Variants in TTC21B observed in about 807,000 individuals in gnomAD.
The protein encoded by TTC21B is tetratricopeptide repeat protein 21B.
Under a neutral mutation model 175.1 loss-of-function variants are expected in TTC21B, and 127 were observed. The observed-to-expected ratio is 0.73, with a 90% CI of 0.63 to 0.84. TTC21B has a LOEUF of 0.84. Ranked by LOEUF, TTC21B falls within the 40% of genes least tolerant of loss-of-function variation. The pLI is 0.00. For missense variants in TTC21B, 1,561 were observed against 1,558.3 expected, an observed-to-expected ratio of 1.00 and a Z score of -0.03; for synonymous variants, 524 against 524.5, an observed-to-expected ratio of 1.00 and a Z score of 0.01.
At chr2:165,919,621 T>A (rs1686312968) in intron 12 of TTC21B, among the ~76,000 whole-genome samples, 188 bp from the exon 13 acceptor site, 3 of 152,118 alleles carry the variant, frequency 2.0e-5, no homozygotes, top group African/African-American at 7.2e-5. Context: ...CATGAATGAA[T>A]ACACCTGCAA....
At chr2:165,902,237 G>GTAGA (rs1222433029) in intron 19 of TTC21B, among the ~76,000 whole-genome samples, 1 of 152,218 alleles carries the variant, frequency 6.6e-6, no homozygotes, top group Non-Finnish European at 1.5e-5. Flanking sequence ...GAGTAAGAAT[G>GTAGA]TAGAGTAGAT....
At chr2:165,924,774 T>C in intron 11 of TTC21B, 96 bp from the exon 12 acceptor site, 3 of 1,361,860 alleles carry the variant, frequency 2.2e-6, no homozygotes, top group Non-Finnish European at 3.0e-6. Flanking sequence ...AACCAAGCTA[T>C]ATACATTTTT....
chr2:165,885,336 G>A (rs946314643), intron 25 of TTC21B, among the ~76,000 whole-genome samples: 2 of 152,148 alleles, frequency 1.3e-5, no homozygotes, highest in African/African-American at 4.8e-5. Flanking sequence ...GAATAGAGAA[G>A]GGCAATACAT....
At chr2:165,920,457 T>G (rs896672580) in intron 12 of TTC21B, among the ~76,000 whole-genome samples, 15 of 152,308 alleles carry the variant, frequency 9.8e-5, no homozygotes, top group Admixed American at 3.9e-4. Flanking sequence ...CCGTCAAGCA[T>G]AATTAACAAG....
At chr2:165,952,491 T>C (rs1447967252) in intron 1 of TTC21B, among the ~76,000 whole-genome samples, 4 of 152,328 alleles carry the variant, frequency 2.6e-5, no homozygotes, top group Non-Finnish European at 5.9e-5. Flanking sequence ...TATTGGATGA[T>C]GAGGTTGGAG....
rs780084619 is a variant in TTC21B, at chr2:165,899,854, G to C, written c.2784C>G (p.Tyr928Ter). ...NKIMLELARL[Y>*]LAQDDPDSCL... The stretch of plus-strand genomic sequence containing the variant: ...AGGAATCAGGGTCATCTTGTGCCAG[G>C]TATAATCGTGCCAGTTCCAACATAA... The change falls in exon 21 of 29, where the codon TAC becomes TAG. Residue 928 changes from tyrosine (Y) to a stop codon, truncating the protein, a stop_gained. Transcript: ENST00000243344. LOFTEE classifies it high-confidence loss of function. 1 of 1,613,202 alleles carries C rather than the reference G, an allele frequency of 6.2e-7. No individual in the cohort carries two copies. Among genetic ancestry groups the C allele is most frequent in the Non-Finnish European group, 8.5e-7 (1 of 1,179,448 alleles).
chr2:165,949,333 GAAAAAT>G, intron 3 of TTC21B, 55 bp downstream of exon 3: 1 of 1,287,470 alleles, frequency 7.8e-7, no homozygotes. Flanking sequence ...TGGTAACTGA[GAAAAAT>G]AAAAATAAAC....
intron 5 of TTC21B, among the ~76,000 whole-genome samples, chr2:165,942,869 A>T (rs997302003): frequency 6.6e-6 from 1 of 152,204 alleles, no homozygotes; most frequent in African/African-American, 2.4e-5. Flanking sequence ...AGTAGGATAT[A>T]AGCTCCATAA....
At chr2:165,914,654 A>AGTGTGTGT (rs1553511255) in intron 15 of TTC21B, among the ~76,000 whole-genome samples, 4 of 17,080 alleles carry the variant, frequency 2.3e-4, no homozygotes, top group Non-Finnish European at 3.4e-4. Context: ...GAGGAAGAGC[A>AGTGTGTGT]ATCTGTGTGT....
At chr2:165,945,240 G>A (rs1035093295) in intron 4 of TTC21B, among the ~76,000 whole-genome samples, 1 of 151,662 alleles carries the variant, frequency 6.6e-6, no homozygotes, top group Non-Finnish European at 1.5e-5. Flanking sequence ...AAAATATGGA[G>A]GGAAGGAAAA....
At chr2:165,942,286 T>C (rs1687396656) in intron 5 of TTC21B, among the ~76,000 whole-genome samples, 1 of 152,202 alleles carries the variant, frequency 6.6e-6, no homozygotes, top group Non-Finnish European at 1.5e-5. Context: ...GTTCCCAACA[T>C]ATAATTTCTT....
Position 165,899,811 on chromosome 2 carries a change from G to A in TTC21B, c.2827C>T (p.Leu943=). ...TTATCCTGGTCACTCTGAAGCAGTA[G>A]AGCACACTGCCGCAGGCAGGAATCA... The part of the protein sequence containing the change: ...DPDSCLRQCA[L]LLQSDQDNEA... Residue 943 remains leucine (L), a synonymous_variant, in exon 21 of 29, where the codon CTA becomes TTA. Coordinates refer to ENST00000243344, the MANE Select transcript of TTC21B (RefSeq NM_024753.5). The A allele has an allele frequency of 6.2e-7, 1 of 1,613,982 alleles. No individual in the cohort carries two copies. The highest frequency in any genetic ancestry group is 2.2e-5 in the East Asian group (1 of 44,864).
At chr2:165,899,070 T>C (rs1159802461) in intron 21 of TTC21B, among the ~76,000 whole-genome samples, 1 of 152,202 alleles carries the variant, frequency 6.6e-6, no homozygotes, top group East Asian at 1.9e-4. Flanking sequence ...GCACACTCTA[T>C]GTGCTGTTGT....
chr2:165,881,412 G>A (rs954391062), intron 26 of TTC21B, among the ~76,000 whole-genome samples: 2 of 152,082 alleles, frequency 1.3e-5, no homozygotes, highest in African/African-American at 4.8e-5. Flanking sequence ...CTGAAATAAG[G>A]ACCAAACATT....
intron 22 of TTC21B, among the ~76,000 whole-genome samples, chr2:165,898,326 T>A (rs1685440452): frequency 6.6e-6 from 1 of 152,130 alleles, no homozygotes; most frequent in Admixed American, 6.5e-5. Context: ...CTCTTCCAGG[T>A]ACAAATATTC....
chr2:165,876,207 T>G lies in TTC21B; in HGVS notation c.3831A>C (p.Leu1277Phe). The change falls in exon 28 of 29, where the codon TTA (leucine) becomes TTC (phenylalanine). Residue 1277 changes from leucine to phenylalanine, a missense_variant. By Grantham distance (22) the Leu-to-Phe change is conservative. Coordinates refer to ENST00000243344, the MANE Select transcript of TTC21B (RefSeq NM_024753.5). ...TTGAATCCACATATCTTTTTGCTTT[T>G]AAGTAATTAAATGCCAGTTTGTATC... The part of the protein sequence containing the change: ...AVGYKLAFNY[L>F]KAKRYVDSID... 1 of 1,598,590 alleles carries G rather than the reference T, an allele frequency of 6.3e-7. No homozygotes were observed. The highest frequency in any genetic ancestry group is 8.6e-7 in the Non-Finnish European group (1 of 1,167,126).
chr2:165,919,164 A>G, intron 13 of TTC21B, 112 bp downstream of exon 13: 1 of 1,303,380 alleles, frequency 7.7e-7, no homozygotes, highest in Admixed American at 1.8e-5. Flanking sequence ...TTTTTTTTCC[A>G]TTAAAAATGC....
Position 165,899,823 on chromosome 2 carries a change from G to A in TTC21B, c.2815C>T (p.Arg939Trp), listed in dbSNP as rs151227843. Residue 939 changes from arginine (R) to tryptophan (W), a missense_variant, in exon 21 of 29, where the codon CGG becomes TGG. By Grantham distance (101) the Arg-to-Trp change is moderately radical (BLOSUM62 -3). Coordinates refer to ENST00000243344, the MANE Select transcript of TTC21B (RefSeq NM_024753.5). ...LAQDDPDSCL[R>W]QCALLLQSDQ... Reference sequence around the variant, plus strand: ...CTCTGAAGCAGTAGAGCACACTGCCGCAGGCAGGAATCAGGGTCATCTTGT... The same window carrying A: ...CTCTGAAGCAGTAGAGCACACTGCCACAGGCAGGAATCAGGGTCATCTTGT... The A allele has an allele frequency of 2.9e-4, 462 of 1,613,930 alleles. No homozygotes were observed. Among genetic ancestry groups the A allele is most frequent in the Middle Eastern group, 1.6e-3 (10 of 6,062 alleles).
chr2:165,884,427 C>T (rs1277741893), intron 25 of TTC21B, among the ~76,000 whole-genome samples: 1 of 152,190 alleles, frequency 6.6e-6, no homozygotes, highest in South Asian at 2.1e-4. Context: ...AGTTCTTTCA[C>T]CTGTCAAAGA....
Sources: allele counts gnomAD v4.1 joint callset (sites outside exome capture counted in the v4.1 genomes callset), GRCh38; gene constraint gnomAD v4.1.1; transcripts MANE v1.5; gene names NCBI Gene and HGNC (gene_info 2026-07-23, HGNC 2026-07-21).